The following AFG1L variants were observed in gnomAD, a reference collection of about 807,000 sequenced individuals.
The protein encoded by AFG1L is AFG1-like ATPase.
In AFG1L, 53 loss-of-function variants were observed where a neutral mutation model predicts 62.2. That is an observed-to-expected ratio of 0.85 (90% CI 0.68 to 1.07). The LOEUF (loss-of-function observed/expected upper bound fraction) is 1.07. Ranked by LOEUF, AFG1L falls within the 50% of genes least tolerant of loss-of-function variation. The pLI, the probability that AFG1L is intolerant of heterozygous loss-of-function variation, is 0.00. For missense variants in AFG1L, 555 were observed against 590.5 expected, an observed-to-expected ratio of 0.94 and a Z score of 0.62; for synonymous variants, 228 against 210.3, an observed-to-expected ratio of 1.08 and a Z score of -0.73.
At chr6:108,514,256 C>T (rs1055419334) in intron 11 of AFG1L, among the ~76,000 whole-genome samples, 8 of 152,070 alleles carry the variant, frequency 5.3e-5, no homozygotes, top group African/African-American at 9.7e-5. Flanking sequence ...GAACAAAGAT[C>T]GGGTTATCCA....
intron 7 of AFG1L, among the ~76,000 whole-genome samples, chr6:108,402,512 G>A (rs923304974): frequency 5.4e-5 from 8 of 148,174 alleles, no homozygotes; most frequent in Admixed American, 1.3e-4. Flanking sequence ...AGGGCAACAC[G>A]GCAAAACCTC....
At chr6:108,371,885 T>C (rs545597825) in intron 6 of AFG1L, among the ~76,000 whole-genome samples, 1 of 152,030 alleles carries the variant, frequency 6.6e-6, no homozygotes, top group East Asian at 1.9e-4. Context: ...GCCTCCTGAG[T>C]TGCTAGGACT....
At chr6:108,517,745 A>G (rs1410494987) in intron 11 of AFG1L, among the ~76,000 whole-genome samples, 3 of 152,248 alleles carry the variant, frequency 2.0e-5, no homozygotes, top group Non-Finnish European at 4.4e-5. Context: ...AAATTTTGCA[A>G]TCTACTCATC....
chr6:108,297,859 A>G, intron 1 of AFG1L, among the ~76,000 whole-genome samples: 1 of 123,168 alleles, frequency 8.1e-6, no homozygotes. Flanking sequence ...AACCTGTCTC[A>G]AAAAAAAAAA....
At position 108,404,515 on chromosome 6, in the gene AFG1L, C is replaced by A. The variant is rs536533525; in HGVS notation, c.807+2461C>A. Among the ~76,000 whole-genome samples the A allele has an allele frequency of 4.6e-5, 7 of 151,798 alleles. No homozygotes were observed. In the South Asian group the frequency reaches 1.5e-3, roughly 32 times the overall value. ...TTTCTTCAAAATAGTGAGTACTCTTCGGTTGTTTTGTATTATTGTGTAGGT... is the reference window on the plus strand; with the variant it reads ...TTTCTTCAAAATAGTGAGTACTCTTAGGTTGTTTTGTATTATTGTGTAGGT... On this transcript the variant is annotated intron_variant, in intron 7 of 12. Coordinates refer to ENST00000368977, the MANE Select transcript of AFG1L (RefSeq NM_145315.5).
At chr6:108,447,702 T>G (rs1408069345) in intron 8 of AFG1L, among the ~76,000 whole-genome samples, 1 of 152,210 alleles carries the variant, frequency 6.6e-6, no homozygotes, top group Non-Finnish European at 1.5e-5. Context: ...TTATCATTGT[T>G]GATTGACTTC....
chr6:108,383,943 A>G (rs549849476), intron 6 of AFG1L, among the ~76,000 whole-genome samples: 1 of 152,134 alleles, frequency 6.6e-6, no homozygotes, highest in African/African-American at 2.4e-5. Context: ...TGAGTTCCCT[A>G]TTAAAAACGA....
At chr6:108,498,961 G>A (rs1273099562) in intron 10 of AFG1L, among the ~76,000 whole-genome samples, 1 of 152,098 alleles carries the variant, frequency 6.6e-6, no homozygotes, top group South Asian at 2.1e-4. Flanking sequence ...GTGACAGAGT[G>A]AGACTCTATT....
chr6:108,421,890 TA>T (rs1282698346), intron 7 of AFG1L, among the ~76,000 whole-genome samples: 2 of 152,250 alleles, frequency 1.3e-5, no homozygotes, highest in African/African-American at 2.4e-5. Flanking sequence ...ATGGAAAAGT[TA>T]AACAAAAATT....
chr6:108,525,609 G>A lies in AFG1L; in HGVS notation c.*3184G>A, dbSNP rs1296153790. 1 of 152,050 alleles carries A rather than the reference G, an allele frequency of 6.6e-6. No homozygotes were observed. The highest frequency in any genetic ancestry group is 1.5e-5 in the Non-Finnish European group (1 of 68,012). The allele number at this position is 152,050 out of a possible 1,614,324, so 9.4% of individuals were successfully genotyped here. A position where few individuals can be genotyped will look rare whatever the true frequency, so the allele number is the denominator to read the frequency against. On this transcript the variant is annotated 3_prime_UTR_variant, in exon 13 of 13. Coordinates refer to ENST00000368977, the MANE Select transcript of AFG1L (RefSeq NM_145315.5). ...ACACATGATGTTTTCTGTGTCCTGG[G>A]CATGGTTCTATGTGCTTTATAAATA...
chr6:108,361,623 G>A (rs1035034914), intron 5 of AFG1L, among the ~76,000 whole-genome samples: 1 of 152,160 alleles, frequency 6.6e-6, no homozygotes, highest in Non-Finnish European at 1.5e-5. Flanking sequence ...ATGCCTCTAA[G>A]CTCTTATCTC....
intron 6 of AFG1L, among the ~76,000 whole-genome samples, chr6:108,400,691 A>T (rs1209292880): frequency 2.6e-5 from 2 of 76,030 alleles, no homozygotes; most frequent in Non-Finnish European, 4.7e-5. Flanking sequence ...TTATATAATT[A>T]TATATATATT....
chr6:108,406,901 G>C (rs1272689336), intron 7 of AFG1L, among the ~76,000 whole-genome samples: 4 of 152,144 alleles, frequency 2.6e-5, no homozygotes. Flanking sequence ...TTTACTACCA[G>C]ATATAGCTAG....
At chr6:108,305,506 C>G (rs1028966006) in intron 1 of AFG1L, among the ~76,000 whole-genome samples, 15 of 152,170 alleles carry the variant, frequency 9.9e-5, no homozygotes, top group African/African-American at 3.4e-4. Flanking sequence ...CTGACAGCCT[C>G]TCGAGTAGCT....
At chr6:108,446,093 CA>C (rs1562166644) in intron 7 of AFG1L, among the ~76,000 whole-genome samples, 32 of 114,634 alleles carry the variant, frequency 2.8e-4, no homozygotes, top group East Asian at 1.8e-3. Flanking sequence ...CACACACACA[CA>C]CACACACACC....
At chr6:108,434,551 C>T (rs956504384) in intron 7 of AFG1L, among the ~76,000 whole-genome samples, 24 of 152,186 alleles carry the variant, frequency 1.6e-4, no homozygotes, top group African/African-American at 5.8e-4. Flanking sequence ...ACTTTCACAT[C>T]TTTCCTAGAT....
At chr6:108,431,482 T>G (rs1771069482) in intron 7 of AFG1L, among the ~76,000 whole-genome samples, 1 of 152,172 alleles carries the variant, frequency 6.6e-6, no homozygotes, top group Admixed American at 6.5e-5. Context: ...TTGTAGAAAT[T>G]ATTATGTCTA....
chr6:108,380,578 TG>T (rs1226928940), intron 6 of AFG1L, among the ~76,000 whole-genome samples: 3 of 152,188 alleles, frequency 2.0e-5, no homozygotes, highest in African/African-American at 7.2e-5. Flanking sequence ...GTTCTGGATG[TG>T]GAGGCCCCCT....
intron 10 of AFG1L, among the ~76,000 whole-genome samples, chr6:108,501,469 G>T (rs964114889): frequency 6.6e-6 from 1 of 152,202 alleles, no homozygotes; most frequent in African/African-American, 2.4e-5. Flanking sequence ...GCTAACTGCT[G>T]CAACAAATAA....
Sources: allele counts gnomAD v4.1 joint callset (sites outside exome capture counted in the v4.1 genomes callset), GRCh38; gene constraint gnomAD v4.1.1; transcripts MANE v1.5; gene names NCBI Gene and HGNC (gene_info 2026-07-23, HGNC 2026-07-21).